The following RGS3 variants were observed in gnomAD, a reference collection of about 807,000 sequenced individuals.
RGS3 encodes regulator of G-protein signalling 3.
Under a neutral mutation model 132.6 loss-of-function variants are expected in RGS3, and 80 were observed. The observed-to-expected ratio is 0.60, with a 90% CI of 0.50 to 0.73. The LOEUF (loss-of-function observed/expected upper bound fraction) is 0.73. Ranked by LOEUF, RGS3 falls within the 30% of genes least tolerant of loss-of-function variation. The pLI is 0.00. For missense variants in RGS3, 1,382 were observed against 1,530.8 expected (o/e 0.90, Z 1.62); for synonymous variants, 598 against 620.6 (o/e 0.96, Z 0.54).
chr9:113,474,900 A>T (rs1342064516), intron 3 of RGS3, among the ~76,000 whole-genome samples: 1 of 151,910 alleles, frequency 6.6e-6, no homozygotes, highest in African/African-American at 2.4e-5. Flanking sequence ...GTCCCCATCT[A>T]CTTCCTTTAT....
intron 11 of RGS3, 30 bp downstream of exon 9, chr9:113,505,553 C>T (rs762373075): frequency 6.4e-7 from 1 of 1,573,100 alleles, no homozygotes; most frequent in South Asian, 1.1e-5. Flanking sequence ...ATGCCAACCC[C>T]ACTTGCCCAC....
At chr9:113,528,281 G>A (rs763035697) in intron 17 of RGS3, among the ~76,000 whole-genome samples, 3 of 152,184 alleles carry the variant, frequency 2.0e-5, no homozygotes, top group Admixed American at 6.5e-5. Context: ...TCCCAGGACC[G>A]TGCCCAGACA....
Position 113,591,854 on chromosome 9 carries a change from TG to T in RGS3, c.3080+458del. ...CAGGAGGGGGCGCTGCTGGCCCAGC[TG>T]CCGAATCCCGCACTCGCCAAGCCTT... On this transcript the variant is annotated intron_variant, in intron 21 of 24. Transcript: ENST00000350696. This position sits in a 1 kb window ranked among gnomAD's most constrained non-coding sequence, Gnocchi z 4.4. 1 of 171,310 alleles carries T rather than the reference TG, an allele frequency of 5.8e-6. No individual in the cohort carries two copies. Among genetic ancestry groups the T allele is most frequent in the South Asian group, 1.4e-4 (1 of 7,116 alleles). The allele number at this position is 171,310 out of a possible 1,614,324, so 10.6% of individuals were successfully genotyped here.
Position 113,565,083 on chromosome 9 carries a change from A to C in RGS3, c.2038-18367A>C. The C allele has an allele frequency of 6.1e-6, 7 of 1,155,236 alleles. No homozygotes were observed. Among genetic ancestry groups the C allele is most frequent in the Non-Finnish European group, 7.6e-6 (7 of 924,532 alleles). The allele number at this position is 1,155,236 out of a possible 1,614,324, so 71.6% of individuals were successfully genotyped here. ...GTGCCAGGGGGTGCCGTTGTGAGGGATGGACGCCTCTCCCCCGGAGCAGCA... is the reference window on the plus strand; with the variant it reads ...GTGCCAGGGGGTGCCGTTGTGAGGGCTGGACGCCTCTCCCCCGGAGCAGCA... On this transcript the variant is annotated intron_variant, in intron 19 of 24. Transcript: ENST00000350696. The surrounding 1 kb of genome is among the most constrained non-coding windows in gnomAD (Gnocchi z 5.7).
At chr9:113,456,229 A>G (rs1396826820), upstream of RGS3, among the ~76,000 whole-genome samples, 3 of 152,104 alleles carry the variant, frequency 2.0e-5, no homozygotes, top group Admixed American at 2.0e-4. Context: ...TGTCTTATGC[A>G]TGCTCATGGC....
At chr9:113,549,469 C>CTT (rs148990898) in intron 19 of RGS3, among the ~76,000 whole-genome samples, 4 of 151,316 alleles carry the variant, frequency 2.6e-5, no homozygotes, top group African/African-American at 7.3e-5. Context: ...ATGCAGTTGA[C>CTT]TTTTTTTTTG....
intron 19 of RGS3, among the ~76,000 whole-genome samples, chr9:113,563,950 G>A (rs1833892766): frequency 6.6e-6 from 1 of 152,080 alleles, no homozygotes; most frequent in African/African-American, 2.4e-5. Flanking sequence ...GTGGGCATGG[G>A]AAAATAGAGG....
chr9:113,490,464 A>G (rs1564478488), intron 7 of RGS3, among the ~76,000 whole-genome samples: 1 of 151,904 alleles, frequency 6.6e-6, no homozygotes, highest in Non-Finnish European at 1.5e-5. Flanking sequence ...TCAATATGCC[A>G]TTGAATATGG....
intron 1 of RGS3, among the ~76,000 whole-genome samples, chr9:113,445,688 G>A (rs1829085003): frequency 6.6e-6 from 1 of 151,954 alleles, no homozygotes; most frequent in African/African-American, 2.4e-5. Flanking sequence ...TTTTGTTTTT[G>A]TATGTTTTGA....
chr9:113,546,315 C>G (rs549202973), intron 19 of RGS3, among the ~76,000 whole-genome samples: 4 of 152,310 alleles, frequency 2.6e-5, no homozygotes, highest in African/African-American at 9.6e-5. Context: ...CATCAGGAGT[C>G]CTGACTTCCC....
chr9:113,479,961 TG>T (rs1413724429), intron 4 of RGS3, among the ~76,000 whole-genome samples: 1 of 152,222 alleles, frequency 6.6e-6, no homozygotes, highest in African/African-American at 2.4e-5. Flanking sequence ...TCATAGTCTT[TG>T]GAGCCAGACC....
intron 19 of RGS3, among the ~76,000 whole-genome samples, chr9:113,558,064 A>G (rs537905234): frequency 4.1e-4 from 63 of 152,324 alleles, no homozygotes; most frequent in Non-Finnish European, 6.2e-4. Context: ...GGCCTCGGCC[A>G]GGGAGAGCCG....
intron 19 of RGS3, among the ~76,000 whole-genome samples, chr9:113,560,597 G>A (rs980519475): frequency 1.3e-5 from 2 of 152,166 alleles, no homozygotes; most frequent in Admixed American, 6.5e-5. Context: ...TACCGGCTCC[G>A]GCACAGAGCA....
chr9:113,484,157 A>G (rs1830250324), exon 6 of RGS3: 1 of 1,610,764 alleles, frequency 6.2e-7, no homozygotes, highest in Non-Finnish European at 8.5e-7. Flanking sequence ...ATCCCTGAAG[A>G]TAGTAGACTA....
chr9:113,519,997 G>C (rs536457391), intron 16 of RGS3, among the ~76,000 whole-genome samples: 102 of 152,208 alleles, frequency 6.7e-4, no homozygotes, highest in Middle Eastern at 6.8e-3. Flanking sequence ...ATTAACTAAG[G>C]CACCAAAGTC....
chr9:113,582,084 C>T, intron 19 of RGS3: 2 of 985,458 alleles, frequency 2.0e-6, no homozygotes, highest in African/African-American at 1.7e-5. Context: ...GCCAGCGTGA[C>T]CCCTGACACG....
At chr9:113,548,719 G>GCC (rs1833215102) in intron 19 of RGS3, among the ~76,000 whole-genome samples, 3 of 152,116 alleles carry the variant, frequency 2.0e-5, no homozygotes, top group Non-Finnish European at 4.4e-5. Context: ...GGCCCGGAGA[G>GCC]CAGAAAGCAC....
chr9:113,494,488 T>C (rs1008641944), intron 7 of RGS3, among the ~76,000 whole-genome samples: 8 of 152,262 alleles, frequency 5.3e-5, no homozygotes, highest in African/African-American at 1.7e-4. Flanking sequence ...GCTCTGTTGC[T>C]GCAACTGCCT....
intron 3 of RGS3, among the ~76,000 whole-genome samples, chr9:113,468,008 G>C (rs939655782): frequency 6.6e-6 from 1 of 152,226 alleles, no homozygotes; most frequent in Non-Finnish European, 1.5e-5. Flanking sequence ...TTATAGGCAT[G>C]AACCACTGTG....
Sources: gnomAD v4.1 joint callset for allele counts (sites outside exome capture counted in the v4.1 genomes callset) on GRCh38, gnomAD v4.1.1 for gene constraint, Gnocchi (gnomAD v3.1) non-coding constraint, MANE v1.5 for transcripts, NCBI Gene and HGNC (gene_info 2026-07-23, HGNC 2026-07-21) for gene names.